The following NAALADL2 variants were observed in gnomAD, a reference collection of about 807,000 sequenced individuals.
NAALADL2 encodes inactive N-acetylated-alpha-linked acidic dipeptidase-like protein 2.
A neutral mutation model predicts 87.2 loss-of-function variants in NAALADL2; 76 were observed. That is an observed-to-expected ratio of 0.87 (90% CI 0.72 to 1.05). The LOEUF (loss-of-function observed/expected upper bound fraction) is 1.05. Ranked by LOEUF, NAALADL2 falls within the 50% of genes least tolerant of loss-of-function variation. The pLI is 0.00. For missense variants in NAALADL2, 1,089 were observed against 945.8 expected, an observed-to-expected ratio of 1.15 and a Z score of -1.99; for synonymous variants, 354 against 331.0, an observed-to-expected ratio of 1.07 and a Z score of -0.75.
intron 3 of NAALADL2, among the ~76,000 whole-genome samples, chr3:174,740,723 G>C (rs922415245): frequency 1.3e-5 from 2 of 151,708 alleles, no homozygotes; most frequent in African/African-American, 2.4e-5. Context: ...AAAATTTTCT[G>C]GTCAATTAGC....
intron 1 of NAALADL2, among the ~76,000 whole-genome samples, chr3:174,549,631 ACT>A (rs1158211229): frequency 6.6e-6 from 1 of 152,172 alleles, no homozygotes; most frequent in Admixed American, 6.5e-5. Flanking sequence ...GCATACACTA[ACT>A]CTGAAAGTTC....
intron 3 of NAALADL2, among the ~76,000 whole-genome samples, chr3:174,763,814 A>G (rs1188054870): frequency 1.8e-5 from 2 of 110,096 alleles, no homozygotes; most frequent in Non-Finnish European, 3.5e-5. Context: ...TTAGAAAACT[A>G]AAACCAAAAC....
At chr3:174,828,102 G>T (rs375372846) in intron 3 of NAALADL2, among the ~76,000 whole-genome samples, 10 of 152,138 alleles carry the variant, frequency 6.6e-5, no homozygotes, top group Non-Finnish European at 8.8e-5. Context: ...AGGATTGCTT[G>T]AGCCCAGGAA....
At chr3:175,690,616 G>C (rs1736921203) in intron 11 of NAALADL2, among the ~76,000 whole-genome samples, 1 of 151,986 alleles carries the variant, frequency 6.6e-6, no homozygotes, top group South Asian at 2.1e-4. Flanking sequence ...TTAAATTCCA[G>C]CCATAGGGTA....
At chr3:175,259,319 C>G (rs944284217) in intron 4 of NAALADL2, among the ~76,000 whole-genome samples, 2 of 152,086 alleles carry the variant, frequency 1.3e-5, no homozygotes, top group African/African-American at 4.8e-5. Flanking sequence ...CAAGAAGATA[C>G]GATTTTAAAT....
chr3:174,940,993 T>C (rs2108468166), intron 1 of NAALADL2, among the ~76,000 whole-genome samples: 1 of 152,288 alleles, frequency 6.6e-6, no homozygotes, highest in South Asian at 2.1e-4. Context: ...TTTTTGTGTC[T>C]TAATTTCCTT....
At chr3:175,566,321 A>G (rs1315998234) in intron 9 of NAALADL2, among the ~76,000 whole-genome samples, 1 of 152,198 alleles carries the variant, frequency 6.6e-6, no homozygotes. Context: ...TTCTAAACCC[A>G]TTCCTCATAC....
At chr3:175,698,483 TTA>T (rs34002597) in intron 11 of NAALADL2, among the ~76,000 whole-genome samples, 6,357 of 67,702 alleles carry the variant, frequency 0.094, 1,572 homozygotes, top group African/African-American at 0.22. Context: ...GTATATATAT[TTA>T]TATATATATA....
intron 2 of NAALADL2, among the ~76,000 whole-genome samples, chr3:174,565,125 G>A (rs1409141993): frequency 6.6e-6 from 1 of 151,822 alleles, no homozygotes; most frequent in Admixed American, 6.6e-5. Context: ...TCTTGTATTA[G>A]TATGATATAT....
chr3:174,781,841 G>A (rs927822014), intron 3 of NAALADL2, among the ~76,000 whole-genome samples: 2 of 152,060 alleles, frequency 1.3e-5, no homozygotes, highest in African/African-American at 4.8e-5. Context: ...AGGGAGGATG[G>A]TTTGTGCCAG....
chr3:174,875,443 C>A (rs906197089), intron 1 of NAALADL2, among the ~76,000 whole-genome samples: 2 of 151,690 alleles, frequency 1.3e-5, no homozygotes, highest in African/African-American at 2.4e-5. Flanking sequence ...GTTGACAGAC[C>A]CCAGATTAAG....
At chr3:175,342,089 A>C (rs1405204191) in intron 5 of NAALADL2, among the ~76,000 whole-genome samples, 2 of 152,172 alleles carry the variant, frequency 1.3e-5, no homozygotes, top group South Asian at 4.1e-4. Context: ...AGTAAGTTTT[A>C]AAATTGCTAA....
intron 9 of NAALADL2, among the ~76,000 whole-genome samples, chr3:175,563,961 T>C (rs1716697133): frequency 1.3e-5 from 2 of 152,082 alleles, no homozygotes; most frequent in South Asian, 4.1e-4. Flanking sequence ...GGCCCACAGT[T>C]TTAAGGTTAT....
At chr3:175,197,917 A>C (rs916482838) in intron 2 of NAALADL2, among the ~76,000 whole-genome samples, 19 of 152,200 alleles carry the variant, frequency 1.2e-4, no homozygotes, top group Admixed American at 9.2e-4. Flanking sequence ...AGTGCAGAAC[A>C]GTACTTCTTG....
intron 1 of NAALADL2, among the ~76,000 whole-genome samples, chr3:174,965,639 A>G (rs1174349105): frequency 6.6e-6 from 1 of 152,150 alleles, no homozygotes; most frequent in Non-Finnish European, 1.5e-5. Flanking sequence ...ATATGAAGGA[A>G]AAAAACAACA....
chr3:174,603,949 A>C (rs1221469517), intron 2 of NAALADL2, among the ~76,000 whole-genome samples: 1 of 152,092 alleles, frequency 6.6e-6, no homozygotes, highest in African/African-American at 2.4e-5. Context: ...TTCAGATTTT[A>C]TGAGTGTTTT....
chr3:175,305,306 G>A (rs936295880), intron 4 of NAALADL2, among the ~76,000 whole-genome samples: 5 of 151,526 alleles, frequency 3.3e-5, no homozygotes, highest in East Asian at 1.9e-4. Context: ...TCCAAGGAAC[G>A]TAATTCTCTC....
intron 13 of NAALADL2, among the ~76,000 whole-genome samples, chr3:175,789,962 A>C (rs1752577493): frequency 6.6e-6 from 1 of 152,172 alleles, no homozygotes; most frequent in South Asian, 2.1e-4. Context: ...TTAAACACAT[A>C]GTGACAACAG....
chr3:174,623,347 T>C (rs1721229053), intron 2 of NAALADL2, among the ~76,000 whole-genome samples: 1 of 152,138 alleles, frequency 6.6e-6, no homozygotes, highest in Non-Finnish European at 1.5e-5. Flanking sequence ...CACCTTTACA[T>C]TTGTTTACAT....
Sources: allele counts gnomAD v4.1 joint callset (sites outside exome capture counted in the v4.1 genomes callset), GRCh38; gene constraint gnomAD v4.1.1; transcripts MANE v1.5; gene names NCBI Gene and HGNC (gene_info 2026-07-23, HGNC 2026-07-21).